Variants in CACNA2D3 observed in about 807,000 individuals in gnomAD.
CACNA2D3 encodes voltage-dependent calcium channel subunit alpha-2/delta-3.
CACNA2D3 carries 60 observed loss-of-function variants against 160.6 expected under a neutral mutation model. That is an observed-to-expected ratio of 0.37 (90% CI 0.30 to 0.46). The LOEUF (loss-of-function observed/expected upper bound fraction) is 0.46. Among genes scored for constraint, CACNA2D3 ranks in the 20% least tolerant of loss-of-function variants. The probability of loss-of-function intolerance (pLI) is 1.00; values close to 1 mark genes in which losing one functional copy is unlikely to be tolerated. For synonymous variants in CACNA2D3, 558 were observed against 492.9 expected (o/e 1.13, Z -1.75); for missense variants, 1,205 against 1,365.0 (o/e 0.88, Z 1.85).
intron 4 of CACNA2D3, among the ~76,000 whole-genome samples, chr3:54,462,997 C>T (rs940345996): frequency 6.6e-6 from 1 of 150,566 alleles, no homozygotes; most frequent in African/African-American, 2.4e-5. Context: ...TCAGCATTTG[C>T]TTGTCTTTAA....
At chr3:54,621,670 A>G (rs1197693466) in intron 9 of CACNA2D3, among the ~76,000 whole-genome samples, 1 of 152,126 alleles carries the variant, frequency 6.6e-6, no homozygotes, top group African/African-American at 2.4e-5. Context: ...GGCGATCTGG[A>G]GCCTTCTGTT....
At chr3:54,793,772 A>AT (rs1316793617) in intron 13 of CACNA2D3, among the ~76,000 whole-genome samples, 1 of 152,014 alleles carries the variant, frequency 6.6e-6, no homozygotes, top group Non-Finnish European at 1.5e-5. Context: ...TTCCTTCTTT[A>AT]TTTTCTAAAA....
At chr3:54,139,707 T>G (rs1305791879) in intron 2 of CACNA2D3, among the ~76,000 whole-genome samples, 1 of 152,252 alleles carries the variant, frequency 6.6e-6, no homozygotes, top group East Asian at 1.9e-4. Flanking sequence ...GAATGTTGAC[T>G]TAATAACATG....
intron 3 of CACNA2D3, among the ~76,000 whole-genome samples, chr3:54,343,042 G>C (rs1167657005): frequency 6.6e-6 from 1 of 152,236 alleles, no homozygotes; most frequent in East Asian, 1.9e-4. Flanking sequence ...ACAATTTACT[G>C]TCCTTGCTGC....
intron 13 of CACNA2D3, among the ~76,000 whole-genome samples, chr3:54,776,879 C>T (rs946944215): frequency 3.9e-5 from 6 of 152,232 alleles, no homozygotes; most frequent in East Asian, 3.9e-4. Flanking sequence ...TTGTGCCTTC[C>T]GAGAGCTGAG....
At chr3:54,920,167 A>G (rs1700799054) in intron 27 of CACNA2D3, among the ~76,000 whole-genome samples, 1 of 152,238 alleles carries the variant, frequency 6.6e-6, no homozygotes, top group African/African-American at 2.4e-5. Flanking sequence ...AGACATATGT[A>G]GAGGGCATCA....
chr3:54,178,298 C>T (rs757717254), intron 2 of CACNA2D3, among the ~76,000 whole-genome samples: 21 of 152,310 alleles, frequency 1.4e-4, no homozygotes, highest in Non-Finnish European at 2.4e-4. Flanking sequence ...GCTTTAGATA[C>T]GGCTTCAGCC....
At chr3:54,604,021 T>C (rs973609263) in intron 9 of CACNA2D3, among the ~76,000 whole-genome samples, 1 of 152,210 alleles carries the variant, frequency 6.6e-6, no homozygotes, top group Non-Finnish European at 1.5e-5. Flanking sequence ...TATAGCTTAC[T>C]TCTAGGGTCT....
At chr3:54,739,746 C>T (rs1701606267) in intron 11 of CACNA2D3, among the ~76,000 whole-genome samples, 2 of 102,292 alleles carry the variant, frequency 2.0e-5, no homozygotes, top group Admixed American at 1.1e-4. Flanking sequence ...CCCTTCTCCT[C>T]ATATATGTGT....
chr3:55,001,267 A>G (rs1702974731), intron 31 of CACNA2D3, among the ~76,000 whole-genome samples: 1 of 152,220 alleles, frequency 6.6e-6, no homozygotes, highest in South Asian at 2.1e-4. Flanking sequence ...TGTCTATGCC[A>G]ATGAGCTAAG....
At chr3:54,445,982 A>G (rs995673533) in intron 4 of CACNA2D3, among the ~76,000 whole-genome samples, 3 of 152,142 alleles carry the variant, frequency 2.0e-5, no homozygotes, top group African/African-American at 7.2e-5. Context: ...TGGAGTGTGG[A>G]CTGAGTGGCC....
chr3:54,605,166 A>G (rs1698573049), intron 9 of CACNA2D3, among the ~76,000 whole-genome samples: 2 of 152,124 alleles, frequency 1.3e-5, no homozygotes, highest in African/African-American at 4.8e-5. Flanking sequence ...TTTTCTAAAG[A>G]CACCAGTCAT....
chr3:54,164,966 G>C (rs1279376003), intron 2 of CACNA2D3, among the ~76,000 whole-genome samples: 1 of 152,212 alleles, frequency 6.6e-6, no homozygotes, highest in Non-Finnish European at 1.5e-5. Flanking sequence ...AGGGGGATCA[G>C]TAAGCAGTTT....
At position 54,885,494 on chromosome 3, in the gene CACNA2D3, A is replaced by T; in HGVS notation, c.1964A>T (p.Tyr655Phe). 6.2e-7 allele frequency: 1 copy of T among 1,612,858 alleles called. No homozygotes were observed. Among genetic ancestry groups the T allele is most frequent in the Non-Finnish European group, 8.5e-7 (1 of 1,179,088 alleles). ...GGGCCATGTCATGTTCTTAGGTCCT[A>T]CTGCAACACTGACCTACACCCTGAG... ...PDVSLADEWS[Y>F]CNTDLHPEHR... Residue 655 changes from tyrosine (Y) to phenylalanine (F), a missense_variant, in exon 23 of 38, where the codon TAC becomes TTC. Transcript: ENST00000474759.
chr3:54,146,372 C>T (rs560175377), intron 2 of CACNA2D3, among the ~76,000 whole-genome samples: 24 of 152,324 alleles, frequency 1.6e-4, no homozygotes, highest in African/African-American at 5.5e-4. Flanking sequence ...GGTACATCCA[C>T]GGATAGTGGG....
intron 3 of CACNA2D3, among the ~76,000 whole-genome samples, chr3:54,327,123 G>A (rs1046277699): frequency 6.6e-6 from 1 of 152,200 alleles, no homozygotes; most frequent in African/African-American, 2.4e-5. Context: ...ATGGAACTGC[G>A]TGGTCCTCGT....
intron 14 of CACNA2D3, among the ~76,000 whole-genome samples, chr3:54,818,687 A>T (rs1703517285): frequency 6.6e-6 from 1 of 152,140 alleles, no homozygotes; most frequent in Admixed American, 6.5e-5. Context: ...TGGCTTCCTA[A>T]TTTTTTTCCC....
At chr3:54,227,782 C>G (rs1279566435) in intron 2 of CACNA2D3, among the ~76,000 whole-genome samples, 1 of 152,096 alleles carries the variant, frequency 6.6e-6, no homozygotes, top group African/African-American at 2.4e-5. Context: ...ATTTCCTGAC[C>G]TCGTGATCCA....
chr3:54,365,623 G>A (rs1368668070), intron 3 of CACNA2D3, among the ~76,000 whole-genome samples: 1 of 152,150 alleles, frequency 6.6e-6, no homozygotes, highest in Non-Finnish European at 1.5e-5. Context: ...CAGCACTTTG[G>A]GAGGCCAAGG....
Sources: gnomAD v4.1 joint callset for allele counts (sites outside exome capture counted in the v4.1 genomes callset) on GRCh38, gnomAD v4.1.1 for gene constraint, MANE v1.5 for transcripts, NCBI Gene and HGNC (gene_info 2026-07-23, HGNC 2026-07-21) for gene names.